The following OPCML variants were observed in gnomAD, a reference collection of about 807,000 sequenced individuals.
OPCML encodes the protein opioid-binding protein/cell adhesion molecule.
OPCML carries 13 observed loss-of-function variants against 37.8 expected under a neutral mutation model. The ratio of observed to expected loss-of-function variants is 0.34; its 90% CI spans 0.22 to 0.55. OPCML has a LOEUF of 0.55. Ranked by LOEUF, OPCML falls within the 20% of genes least tolerant of loss-of-function variation. The probability of loss-of-function intolerance (pLI) is 0.91; values close to 1 mark genes in which losing one functional copy is unlikely to be tolerated. For synonymous variants in OPCML, 176 were observed against 168.8 expected (o/e 1.04, Z -0.33); for missense variants, 341 against 435.6 (o/e 0.78, Z 1.93).
intron 4 of OPCML, among the ~76,000 whole-genome samples, chr11:132,452,163 G>C (rs948885177): frequency 6.6e-6 from 1 of 152,184 alleles, no homozygotes; most frequent in African/African-American, 2.4e-5. Context: ...TCAATTCTTA[G>C]CTTCTTGCCT....
At chr11:133,410,378 C>A (rs1945619886) in intron 1 of OPCML, among the ~76,000 whole-genome samples, 1 of 152,054 alleles carries the variant, frequency 6.6e-6, no homozygotes, top group African/African-American at 2.4e-5. Flanking sequence ...TGGGTGAACC[C>A]AGCTCTGGCT....
In OPCML at chr11:133,445,703, T is replaced by C. The variant is rs561734554; in HGVS notation, c.61+86561A>G. On this transcript the variant is annotated intron_variant, in intron 1 of 7. Transcript: ENST00000524381. ...AAAATAAATTGCAGAAAATGTAATT[T>C]CCCCCTTGGCTAAGAAAGTTGTCCT... Among the ~76,000 whole-genome samples the C allele has an allele frequency of 1.0e-3, 154 of 152,206 alleles. 1 individual carries two copies. The highest frequency in any genetic ancestry group is 3.4e-3 in the African/African-American group (141 of 41,526).
At chr11:132,639,299 G>T (rs151114096) in intron 3 of OPCML, among the ~76,000 whole-genome samples, 1 of 152,122 alleles carries the variant, frequency 6.6e-6, no homozygotes, top group African/African-American at 2.4e-5. Flanking sequence ...AGAAAGTTCC[G>T]GCAGCTTGCC....
intron 4 of OPCML, among the ~76,000 whole-genome samples, chr11:132,444,608 C>G (rs2096048400): frequency 6.6e-6 from 1 of 152,178 alleles, no homozygotes; most frequent in Non-Finnish European, 1.5e-5. Context: ...AGTATGTGTT[C>G]ACATTATGCC....
chr11:133,169,944 TGAA>T (rs1445101474), intron 1 of OPCML, among the ~76,000 whole-genome samples: 6 of 152,212 alleles, frequency 3.9e-5, no homozygotes, highest in African/African-American at 1.2e-4. Context: ...TTGTGGGCTA[TGAA>T]GAAGATCAAA....
At chr11:132,757,435 T>C (rs1431901300) in intron 2 of OPCML, among the ~76,000 whole-genome samples, 1 of 152,238 alleles carries the variant, frequency 6.6e-6, no homozygotes, top group Non-Finnish European at 1.5e-5. Context: ...AAAGCGTTCC[T>C]ATTTCTCCAC....
chr11:133,041,991 C>T (rs190692897), intron 1 of OPCML, among the ~76,000 whole-genome samples: 2 of 152,262 alleles, frequency 1.3e-5, no homozygotes, highest in Admixed American at 1.3e-4. Flanking sequence ...TGGCAAACGA[C>T]CTTTCCATCC....
chr11:133,334,729 T>A (rs1194937945), intron 1 of OPCML, among the ~76,000 whole-genome samples: 7 of 152,214 alleles, frequency 4.6e-5, no homozygotes, highest in Non-Finnish European at 8.8e-5. Context: ...GACCGAGCCC[T>A]GCTCCCATAG....
intron 1 of OPCML, among the ~76,000 whole-genome samples, chr11:133,471,230 G>A (rs1362214546): frequency 1.3e-5 from 2 of 152,212 alleles, no homozygotes; most frequent in East Asian, 3.9e-4. Flanking sequence ...AAGAGAAGTT[G>A]CACTGAAGTC....
Position 133,122,880 on chromosome 11 carries a change from C to T in OPCML, c.62-179870G>A, listed in dbSNP as rs115136257. ...CTATGGCATTTGGCCCTACAGCCAG[C>T]GAGTAATTCTATTCTCCAGCTGCTT... On this transcript the variant is annotated intron_variant, in intron 1 of 7. Transcript: ENST00000524381. 4.9e-3 allele frequency among the ~76,000 whole-genome samples: 748 copies of T among 152,282 alleles called. 5 individuals carry two copies. The highest frequency in any genetic ancestry group is 0.016 in the African/African-American group (680 of 41,564).
intron 3 of OPCML, among the ~76,000 whole-genome samples, chr11:132,604,571 C>A (rs1457413069): frequency 2.6e-5 from 4 of 152,166 alleles, no homozygotes; most frequent in Non-Finnish European, 5.9e-5. Context: ...TCCTCCTGAA[C>A]ATTCTACCAC....
intron 2 of OPCML, among the ~76,000 whole-genome samples, chr11:132,842,621 G>A (rs1941343929): frequency 6.6e-6 from 1 of 152,160 alleles, no homozygotes; most frequent in African/African-American, 2.4e-5. Flanking sequence ...GCTTGTCAGA[G>A]TTTTTTCTCC....
chr11:133,031,757 A>T (rs1213007940), intron 1 of OPCML, among the ~76,000 whole-genome samples: 1 of 150,546 alleles, frequency 6.6e-6, no homozygotes, highest in Non-Finnish European at 1.5e-5. Flanking sequence ...AATATAGAAC[A>T]GTATGACAGA....
chr11:132,625,693 C>T (rs191810407), intron 3 of OPCML, among the ~76,000 whole-genome samples: 44 of 152,262 alleles, frequency 2.9e-4, no homozygotes, highest in Admixed American at 7.9e-4. Context: ...CAAAACCAGA[C>T]CATGAGCTGT....
chr11:133,119,409 C>G (rs1005513097), intron 1 of OPCML, among the ~76,000 whole-genome samples: 2 of 152,018 alleles, frequency 1.3e-5, no homozygotes, highest in African/African-American at 4.8e-5. Context: ...GGAGCCATAT[C>G]AGTTAGGAAT....
intron 1 of OPCML, among the ~76,000 whole-genome samples, chr11:133,044,761 A>T (rs1157465407): frequency 6.6e-6 from 1 of 152,128 alleles, no homozygotes; most frequent in African/African-American, 2.4e-5. Flanking sequence ...CGGTAGAATG[A>T]TGGGAGCCTG....
chr11:133,518,986 TCTC>T (rs1458554062), intron 1 of OPCML, among the ~76,000 whole-genome samples: 1 of 152,064 alleles, frequency 6.6e-6, no homozygotes, highest in African/African-American at 2.4e-5. Context: ...TGAAAGCCTC[TCTC>T]CTCCTCTTCA....
chr11:132,516,763 G>A (rs2096280763), intron 4 of OPCML, among the ~76,000 whole-genome samples: 2 of 152,140 alleles, frequency 1.3e-5, no homozygotes, highest in South Asian at 4.2e-4. Context: ...CTTTCTCATG[G>A]TAGGCATGCG....
In OPCML at chr11:132,984,854, C is replaced by A. The variant is rs144388624; in HGVS notation, c.62-41844G>T. On this transcript the variant is annotated intron_variant, in intron 1 of 7. Coordinates refer to ENST00000524381, the MANE Select transcript of OPCML (RefSeq NM_001012393.5). Reference sequence around the variant, plus strand: ...CCCCAGTAGTGTTCTGTTCACCCTGCCGCCCGCTTCCTCTGCTTCCCTGGA... The same window carrying A: ...CCCCAGTAGTGTTCTGTTCACCCTGACGCCCGCTTCCTCTGCTTCCCTGGA... Among the ~76,000 whole-genome samples the A allele has an allele frequency of 4.1e-3, 631 of 152,286 alleles. 1 individual carries two copies. The highest frequency in any genetic ancestry group is 0.014 in the African/African-American group (600 of 41,548).
Sources: gnomAD v4.1 joint callset for allele counts (sites outside exome capture counted in the v4.1 genomes callset) on GRCh38, gnomAD v4.1.1 for gene constraint, MANE v1.5 for transcripts, NCBI Gene and HGNC (gene_info 2026-07-23, HGNC 2026-07-21) for gene names.